AOAH: variants seen among roughly 807,000 people sequenced by gnomAD.
AOAH encodes the protein acyloxyacyl hydrolase (neutrophil).
In AOAH, 64 loss-of-function variants were observed where a neutral mutation model predicts 92.2. That is an observed-to-expected ratio of 0.69 (90% CI 0.57 to 0.86). AOAH has a LOEUF of 0.86. Ranked by LOEUF, AOAH falls within the 40% of genes least tolerant of loss-of-function variation. The probability of loss-of-function intolerance (pLI) is 0.00; values close to 1 mark genes in which losing one functional copy is unlikely to be tolerated. For missense variants in AOAH, 656 were observed against 694.6 expected, an observed-to-expected ratio of 0.94 and a Z score of 0.62; for synonymous variants, 263 against 254.5, an observed-to-expected ratio of 1.03 and a Z score of -0.32.
At chr7:36,530,381 T>C (rs762241846) in intron 19 of AOAH, 37 bp downstream of exon 19, 1 of 1,470,420 alleles carries the variant, frequency 6.8e-7, no homozygotes, top group Non-Finnish European at 9.5e-7. Context: ...TAGCTGCTGC[T>C]TTCATCTTCT....
chr7:36,681,967 G>A (rs535515431), intron 2 of AOAH, among the ~76,000 whole-genome samples: 1 of 152,340 alleles, frequency 6.6e-6, no homozygotes, highest in African/African-American at 2.4e-5. Context: ...TTCTGTGAGG[G>A]AGAAAGTAGA....
At chr7:36,644,958 T>C (rs1234359794) in intron 4 of AOAH, among the ~76,000 whole-genome samples, 1 of 152,110 alleles carries the variant, frequency 6.6e-6, no homozygotes, top group African/African-American at 2.4e-5. Flanking sequence ...CCCCAGATCT[T>C]TTCTAAAAGT....
At chr7:36,605,146 T>C (rs1330927737) in intron 11 of AOAH, among the ~76,000 whole-genome samples, 1 of 152,160 alleles carries the variant, frequency 6.6e-6, no homozygotes, top group Non-Finnish European at 1.5e-5. Context: ...TAGGAAATCA[T>C]ATAGAAGCCA....
intron 20 of AOAH, among the ~76,000 whole-genome samples, chr7:36,514,261 G>A (rs1022523906): frequency 7.9e-5 from 12 of 151,712 alleles, no homozygotes; most frequent in Admixed American, 3.9e-4. Flanking sequence ...TAGAGGACAC[G>A]GCGTGTGCAA....
chr7:36,552,216 C>T (rs1270416729), intron 13 of AOAH, among the ~76,000 whole-genome samples: 1 of 152,160 alleles, frequency 6.6e-6, no homozygotes. Context: ...CAAGTGTTCT[C>T]ATTGTTCAGC....
rs973851561 is a variant in AOAH at position 36,549,438 on chromosome 7, C to A, written c.1058+1G>T. On this transcript the variant is annotated splice_donor_variant, in intron 14 of 20. Transcript: ENST00000617537. LOFTEE classifies it high-confidence loss of function. Reference sequence around the variant, plus strand: ...AAAACAACTTCTTATCTTCTGCTTACCTTTCTATAAATTTCTTCAGGTTTC... The same window carrying A: ...AAAACAACTTCTTATCTTCTGCTTAACTTTCTATAAATTTCTTCAGGTTTC... 3.8e-6 allele frequency: 6 copies of A among 1,595,406 alleles called. No homozygotes were observed. The highest frequency in any genetic ancestry group is 4.3e-6 in the Non-Finnish European group (5 of 1,167,724).
rs139502352 is a variant in AOAH, at chr7:36,536,016, C to T, written c.1307-3672G>A. 1.2e-3 allele frequency among the ~76,000 whole-genome samples: 185 copies of T among 152,224 alleles called. 2 individuals carry two copies. The highest frequency in any genetic ancestry group is 4.2e-3 in the African/African-American group (176 of 41,558). On this transcript the variant is annotated intron_variant, in intron 16 of 20. Coordinates refer to ENST00000617537, the MANE Select transcript of AOAH (RefSeq NM_001637.4). ...GGGTGCCCCAGCCCTTGGCAGCCAG[C>T]GACGGACTGGGTAGTGAGTCACAAA...
chr7:36,537,198 A>G (rs1056582392), intron 16 of AOAH, among the ~76,000 whole-genome samples: 1 of 151,820 alleles, frequency 6.6e-6, no homozygotes, highest in African/African-American at 2.4e-5. Flanking sequence ...ATAAGCATCA[A>G]ACAAATTTTA....
chr7:36,526,884 G>A (rs1215066812), intron 19 of AOAH, among the ~76,000 whole-genome samples: 1 of 152,210 alleles, frequency 6.6e-6, no homozygotes, highest in Non-Finnish European at 1.5e-5. Flanking sequence ...GTCATTGGCT[G>A]ATTTTACAAA....
Position 36,618,338 on chromosome 7 carries a change from T to A in AOAH, c.710A>T (p.Asp237Val). The A allele has an allele frequency of 1.2e-6, 2 of 1,614,076 alleles. No individual in the cohort carries two copies. Among genetic ancestry groups the A allele is most frequent in the Non-Finnish European group, 1.7e-6 (2 of 1,179,942 alleles). Residue 237 changes from aspartate (D) to valine (V), a missense_variant, in exon 10 of 21, where the codon GAT (aspartate) becomes GTT (valine). Physicochemically the swap from Asp to Val is radical, Grantham distance 152. Coordinates refer to ENST00000617537, the MANE Select transcript of AOAH (RefSeq NM_001637.4). ...DSNCNGIWGV[D>V]PKDGVPYEKK... ...CTCATATGGAACTCCATCTTTTGGA[T>A]CGACACCCTTTAAAAAAGAAACGAT...
At chr7:36,634,905 T>C (rs73687581) in intron 5 of AOAH, among the ~76,000 whole-genome samples, 4,746 of 152,334 alleles carry the variant, frequency 0.031, 252 homozygotes, top group African/African-American at 0.11. Context: ...TTCAGCCTGA[T>C]GGCTGCAGCT....
chr7:36,715,492 A>G (rs1345711957), intron 1 of AOAH, among the ~76,000 whole-genome samples: 1 of 151,108 alleles, frequency 6.6e-6, no homozygotes, highest in Admixed American at 6.6e-5. Flanking sequence ...TTCATATGGA[A>G]CCAAAAAAGA....
At chr7:36,672,180 G>A (rs910241976) in intron 3 of AOAH, among the ~76,000 whole-genome samples, 2 of 152,138 alleles carry the variant, frequency 1.3e-5, no homozygotes, top group African/African-American at 4.8e-5. Flanking sequence ...ATTAAGAGAG[G>A]CAGATGCACA....
Position 36,620,961 on chromosome 7 carries a change from A to G in AOAH, c.654-132T>C. 6 of 768,074 alleles carry G rather than the reference A, an allele frequency of 7.8e-6. No individual in the cohort carries two copies. In the Admixed American group the frequency reaches 9.3e-5, roughly 12 times the overall value. The allele number at this position is 768,074 out of a possible 1,614,324, so 47.6% of individuals were successfully genotyped here. A position where few individuals can be genotyped will look rare whatever the true frequency, so the allele number is the denominator to read the frequency against. ...CCATGGAGAGACAACAGCATTCTTC[A>G]TGGAATAGCATCACATCCCATTGTG... On this transcript the variant is annotated intron_variant, in intron 8 of 20. Transcript: ENST00000617537.
At chr7:36,713,245 T>C (rs1415674087) in intron 1 of AOAH, among the ~76,000 whole-genome samples, 5 of 152,168 alleles carry the variant, frequency 3.3e-5, no homozygotes, top group South Asian at 2.1e-4. Context: ...CATTACTTAA[T>C]GGTAAAGGGA....
In AOAH at chr7:36,530,401, C is replaced by G. The variant is rs1425196892; in HGVS notation, c.1522+17G>C. 1 of 1,569,362 alleles carries G rather than the reference C, an allele frequency of 6.4e-7. No individual in the cohort carries two copies. Among genetic ancestry groups the G allele is most frequent in the Non-Finnish European group, 8.8e-7 (1 of 1,139,466 alleles). ...GCTGCTTTCATCTTCTGTCAATACCCAAACAAAGCTACTTACTTTCATGGA... is the reference window on the plus strand; with the variant it reads ...GCTGCTTTCATCTTCTGTCAATACCGAAACAAAGCTACTTACTTTCATGGA... On this transcript the variant is annotated intron_variant, in intron 19 of 20. Transcript: ENST00000617537.
chr7:36,539,087 T>A (rs930484482), intron 16 of AOAH, among the ~76,000 whole-genome samples: 4 of 152,184 alleles, frequency 2.6e-5, no homozygotes, highest in Non-Finnish European at 4.4e-5. Flanking sequence ...AAGAGAAGAC[T>A]GGAAAGATTC....
At chr7:36,530,599 T>C in intron 18 of AOAH, 85 bp from the exon 19 acceptor site, 2 of 859,934 alleles carry the variant, frequency 2.3e-6, no homozygotes, top group Non-Finnish European at 3.9e-6. Context: ...AAGAAATCGA[T>C]CTTCCCCATC....
chr7:36,597,795 G>C (rs1790240176), intron 11 of AOAH: 1 of 152,192 alleles, frequency 6.6e-6, no homozygotes, highest in Admixed American at 6.5e-5. Context: ...GCACACTAAG[G>C]GAGGGGTAAA....
Sources: gnomAD v4.1 joint callset for allele counts (sites outside exome capture counted in the v4.1 genomes callset) on GRCh38, gnomAD v4.1.1 for gene constraint, MANE v1.5 for transcripts, NCBI Gene and HGNC (gene_info 2026-07-23, HGNC 2026-07-21) for gene names.